DENR: variants seen among roughly 807,000 people sequenced by gnomAD.
The protein encoded by DENR is density regulated re-initiation and release factor.
A neutral mutation model predicts 30.6 loss-of-function variants in DENR; 6 were observed. The ratio of observed to expected loss-of-function variants is 0.20; its 90% CI spans 0.11 to 0.39. DENR has a LOEUF of 0.39. Among genes scored for constraint, DENR ranks in the 10% least tolerant of loss-of-function variants. The pLI, the probability that DENR is intolerant of heterozygous loss-of-function variation, is 1.00. For synonymous variants in DENR, 78 were observed against 72.1 expected, an observed-to-expected ratio of 1.08 and a Z score of -0.41; for missense variants, 141 against 230.9, an observed-to-expected ratio of 0.61 and a Z score of 2.52.
chr12:122,766,148 C>T (rs555982640), intron 5 of DENR, among the ~76,000 whole-genome samples: 23 of 152,266 alleles, frequency 1.5e-4, no homozygotes, highest in African/African-American at 5.5e-4. Flanking sequence ...GACTCACTAT[C>T]CCCGCTTCTG....
At chr12:122,764,696 TA>T (rs904272260) in intron 4 of DENR, among the ~76,000 whole-genome samples, 5 of 152,260 alleles carry the variant, frequency 3.3e-5, no homozygotes, top group African/African-American at 1.2e-4. Context: ...GCAAGACTGG[TA>T]AAAATGAAGG....
intron 2 of DENR, chr12:122,754,227 G>T: frequency 4.4e-6 from 1 of 227,858 alleles, no homozygotes; most frequent in South Asian, 6.4e-5. Flanking sequence ...GAAGTGAGCA[G>T]CTTTGAGTTT....
intron 2 of DENR, among the ~76,000 whole-genome samples, chr12:122,758,854 AT>A (rs200269986): frequency 0.12 from 4,566 of 38,148 alleles, 197 homozygotes; most frequent in Admixed American, 0.3. Context: ...TTATTTATTT[AT>A]TTTTTTTTTG....
rs1215095432 is a variant in DENR at position 122,758,147 on chromosome 12, C to T, written c.107-4040C>T. ...AGTGTAATGGCGTGATCTCGGCTCA[C>T]TGCAACCTCCGCCTCCAGGGTTCAA... is the stretch of plus-strand genomic sequence containing the variant. On this transcript the variant is annotated intron_variant, in intron 2 of 7. Transcript: ENST00000280557. 4.6e-5 allele frequency among the ~76,000 whole-genome samples: 7 copies of T among 152,318 alleles called. No individual in the cohort carries two copies. The East Asian group carries it at 1.4e-3, about 29-fold the overall frequency.
At chr12:122,762,729 T>C (rs940354681) in intron 3 of DENR, 116 bp from the exon 4 acceptor site, 3 of 690,002 alleles carry the variant, frequency 4.3e-6, no homozygotes, top group African/African-American at 3.7e-5. Context: ...AGAAGTCAGA[T>C]GGGAGTGGTT....
rs1203708334 is a variant in DENR at position 122,770,463 on chromosome 12, G to A, written c.*1385G>A. ...AGTGGAAGGCCGTTCAGAGAGGCTA[G>A]AGGTTCTTATTCTGGCTATAAATTA... is the stretch of plus-strand genomic sequence containing the variant. On this transcript the variant is annotated 3_prime_UTR_variant, in exon 8 of 8. Transcript: ENST00000280557. The A allele has an allele frequency of 2.5e-6, 1 of 396,422 alleles. No individual in the cohort carries two copies. Among genetic ancestry groups the A allele is most frequent in the African/African-American group, 2.1e-5 (1 of 48,714 alleles). 24.6% of individuals were successfully genotyped at this position (396,422 alleles called of 1,614,324 possible). A position where few individuals can be genotyped will look rare whatever the true frequency, so the allele number is the denominator to read the frequency against.
At position 122,769,512 on chromosome 12, in the gene DENR, CTCTT is replaced by C. The variant is rs1361707864; in HGVS notation, c.*436_*439del. ...ACTGACTTTCTCTCTCTCTCTCTCT[CTCTT>C]TTTTTTTTTTGACAGAGTCTCGCAC... is the stretch of plus-strand genomic sequence containing the variant. On this transcript the variant is annotated 3_prime_UTR_variant, in exon 8 of 8. Transcript: ENST00000280557. The C allele has an allele frequency of 2.0e-5, 19 of 958,688 alleles. No homozygotes were observed. The highest frequency in any genetic ancestry group is 1.1e-4 in the East Asian group (1 of 8,768). The allele number at this position is 958,688 out of a possible 1,614,324, so 59.4% of individuals were successfully genotyped here. A position where few individuals can be genotyped will look rare whatever the true frequency, so the allele number is the denominator to read the frequency against.
chr12:122,757,337 C>T (rs1430761705), intron 2 of DENR, among the ~76,000 whole-genome samples: 1 of 152,160 alleles, frequency 6.6e-6, no homozygotes, highest in African/African-American at 2.4e-5. Flanking sequence ...ACATAATTAT[C>T]TCCTGGAAAC....
At chr12:122,765,572 GT>G in intron 5 of DENR, among the ~76,000 whole-genome samples, 185 bp downstream of exon 5, 1 of 152,190 alleles carries the variant, frequency 6.6e-6, no homozygotes, top group East Asian at 1.9e-4. Flanking sequence ...TGCAATGATC[GT>G]TCCTCCACAT....
chr12:122,757,035 G>A (rs899935383), intron 2 of DENR, among the ~76,000 whole-genome samples: 2 of 152,162 alleles, frequency 1.3e-5, no homozygotes, highest in Non-Finnish European at 2.9e-5. Context: ...TAAACTGGAT[G>A]TAGTTTTGAC....
chr12:122,757,496 G>A (rs1301016665), intron 2 of DENR, among the ~76,000 whole-genome samples: 1 of 152,092 alleles, frequency 6.6e-6, no homozygotes, highest in Non-Finnish European at 1.5e-5. Context: ...AGTATTGAGT[G>A]GATTTTATGT....
chr12:122,766,902 A>G (rs768242569), intron 5 of DENR, among the ~76,000 whole-genome samples: 21 of 152,172 alleles, frequency 1.4e-4, no homozygotes, highest in Non-Finnish European at 2.6e-4. Context: ...AGTGACTGCT[A>G]TGTATGTAAT....
rs751572086 is a variant in DENR at position 122,768,846 on chromosome 12, A to G, written c.477A>G (p.Thr159=). The change falls in exon 7 of 8, where the codon ACA becomes ACG. Residue 159 remains threonine (T), a synonymous_variant. Transcript: ENST00000280557. ...AQKFSCGASV[T]GEDEIIIQGD... ...AATTCTCCTGTGGTGCCTCAGTAAC[A>G]GGGGAGGATGAAATTATCATTCAGG... 2.5e-6 allele frequency: 4 copies of G among 1,611,230 alleles called. No homozygotes were observed. The highest frequency in any genetic ancestry group is 3.4e-6 in the Non-Finnish European group (4 of 1,178,702).
chr12:122,757,114 AAG>A (rs1878570557), intron 2 of DENR, among the ~76,000 whole-genome samples: 1 of 152,198 alleles, frequency 6.6e-6, no homozygotes, highest in Admixed American at 6.5e-5. Context: ...CAACTGATTA[AAG>A]AGAAAAATAG....
chr12:122,761,702 G>A (rs57733128), intron 2 of DENR, among the ~76,000 whole-genome samples: 3,307 of 152,188 alleles, frequency 0.022, 119 homozygotes, highest in African/African-American at 0.074. Flanking sequence ...GTCCCATTTA[G>A]TTGGGAGACT....
intron 2 of DENR, among the ~76,000 whole-genome samples, chr12:122,759,206 C>G (rs1363353177): frequency 6.6e-6 from 1 of 152,162 alleles, no homozygotes. Context: ...GATGATGTTT[C>G]ATTCATCATG....
At chr12:122,760,408 C>T (rs1026472278) in intron 2 of DENR, among the ~76,000 whole-genome samples, 3 of 152,138 alleles carry the variant, frequency 2.0e-5, no homozygotes, top group Non-Finnish European at 2.9e-5. Context: ...ATATTGGACA[C>T]ACTGAACTAC....
Position 122,769,319 on chromosome 12 carries a change from C to CATATACACACATATATGTATACAT in DENR, c.*246_*247insCACACATATATGTATACATATATA, listed in dbSNP as rs1878964256. 4 of 893,422 alleles carry CATATACACACATATATGTATACAT rather than the reference C, an allele frequency of 4.5e-6. No individual in the cohort carries two copies. The African/African-American group carries it at 8.2e-5, about 18-fold the overall frequency. The allele number at this position is 893,422 out of a possible 1,614,324, so 55.3% of individuals were successfully genotyped here. A position where few individuals can be genotyped will look rare whatever the true frequency, so the allele number is the denominator to read the frequency against. On this transcript the variant is annotated 3_prime_UTR_variant, in exon 8 of 8. Coordinates refer to ENST00000280557, the MANE Select transcript of DENR (RefSeq NM_003677.5). Reference sequence around the variant, plus strand: ...GTATACATATATACACATATGTATACATATATATATATTCTACAGTAAAAC... The same window carrying CATATACACACATATATGTATACAT: ...GTATACATATATACACATATGTATACATATACACACATATATGTATACATATATATATATATTCTACAGTAAAAC...
chr12:122,754,391 T>C (rs1169293549), intron 2 of DENR: 3 of 152,924 alleles, frequency 2.0e-5, no homozygotes, highest in Non-Finnish European at 2.9e-5. Context: ...TTCGAGTGTT[T>C]TTCTTCATTT....
Sources: allele counts gnomAD v4.1 joint callset (sites outside exome capture counted in the v4.1 genomes callset), GRCh38; gene constraint gnomAD v4.1.1; transcripts MANE v1.5; gene names NCBI Gene and HGNC (gene_info 2026-07-23, HGNC 2026-07-21).